Variants in PIAS1 observed in about 807,000 individuals in gnomAD.
The protein encoded by PIAS1 is protein inhibitor of activated STAT 1.
Under a neutral mutation model 71.3 loss-of-function variants are expected in PIAS1, and 6 were observed. That is an observed-to-expected ratio of 0.08 (90% CI 0.05 to 0.17). The LOEUF is 0.17. Ranked by LOEUF, PIAS1 falls within the 10% of genes least tolerant of loss-of-function variation. The pLI, the probability that PIAS1 is intolerant of heterozygous loss-of-function variation, is 1.00. For synonymous variants in PIAS1, 303 were observed against 292.9 expected, an observed-to-expected ratio of 1.03 and a Z score of -0.35; for missense variants, 555 against 793.6, an observed-to-expected ratio of 0.70 and a Z score of 3.61.
chr15:68,126,522 A>C (rs372096343), intron 2 of PIAS1, among the ~76,000 whole-genome samples: 16 of 152,330 alleles, frequency 1.1e-4, no homozygotes, highest in African/African-American at 3.8e-4. Flanking sequence ...GGCTCACTGC[A>C]ACCTCCACCT....
intron 2 of PIAS1, among the ~76,000 whole-genome samples, chr15:68,114,513 A>G (rs1405668237): frequency 1.3e-5 from 2 of 152,116 alleles, no homozygotes; most frequent in East Asian, 1.9e-4. Context: ...CAGAGGGTTC[A>G]TTAAAGATTG....
In PIAS1 at chr15:68,153,622, G is replaced by A; in HGVS notation, c.861G>A (p.Gln287=). Residue 287 remains glutamine (Q), a synonymous_variant, in exon 7 of 14, where the codon CAG becomes CAA. Coordinates refer to ENST00000249636, the MANE Select transcript of PIAS1 (RefSeq NM_016166.3). ...NYSMAVYLVK[Q]LSSTVLLQRL... ...CCATGGCAGTATATCTTGTAAAACA[G>A]TTGTCCTCAACAGTTCTTCTTCAGA... The A allele has an allele frequency of 6.3e-7, 1 of 1,590,604 alleles. No homozygotes were observed. Among genetic ancestry groups the A allele is most frequent in the Non-Finnish European group, 8.6e-7 (1 of 1,159,854 alleles).
chr15:68,170,524 G>A (rs891834979), intron 8 of PIAS1, among the ~76,000 whole-genome samples: 2 of 152,172 alleles, frequency 1.3e-5, no homozygotes, highest in African/African-American at 4.8e-5. Flanking sequence ...AGTGAGTGGT[G>A]AGCAAATGTG....
chr15:68,106,996 C>T (rs1038808232), intron 2 of PIAS1, among the ~76,000 whole-genome samples: 2 of 152,146 alleles, frequency 1.3e-5, no homozygotes, highest in Admixed American at 1.3e-4. Flanking sequence ...GTAAGATGCA[C>T]TCGTGAGGAG....
intron 8 of PIAS1, among the ~76,000 whole-genome samples, chr15:68,172,105 G>A (rs1335987139): frequency 1.1e-4 from 15 of 140,272 alleles, no homozygotes; most frequent in East Asian, 4.3e-4. Flanking sequence ...GATGTTCCCC[G>A]CCCTGTGTCC....
intron 1 of PIAS1, among the ~76,000 whole-genome samples, chr15:68,056,255 A>G (rs966060923): frequency 6.6e-6 from 1 of 152,242 alleles, no homozygotes; most frequent in Non-Finnish European, 1.5e-5. Flanking sequence ...TGTGCAGACT[A>G]TATTGTCACT....
chr15:68,169,814 G>T (rs979132017), intron 8 of PIAS1, among the ~76,000 whole-genome samples: 1 of 152,098 alleles, frequency 6.6e-6, no homozygotes, highest in Non-Finnish European at 1.5e-5. Flanking sequence ...TATGTGTCAG[G>T]TACTGTGTAG....
At chr15:68,125,693 T>G (rs920942972) in intron 2 of PIAS1, among the ~76,000 whole-genome samples, 3 of 152,028 alleles carry the variant, frequency 2.0e-5, no homozygotes, top group Non-Finnish European at 4.4e-5. Context: ...TTAGGCTGGT[T>G]TCCGATTTTT....
chr15:68,183,814 C>T (rs1034126509), intron 13 of PIAS1, 147 bp downstream of exon 13: 8 of 530,846 alleles, frequency 1.5e-5, no homozygotes, highest in African/African-American at 7.7e-5. Flanking sequence ...CAATTATAGC[C>T]ATGGTAACAT....
chr15:68,099,264 T>TG lies in PIAS1; in HGVS notation c.469+12514_469+12515insG, dbSNP rs539394731. ...CTATATATGTATATATATTTCTTTT[T>TG]TTTTTTTTTACTCTTCAAAGTTCCT... On this transcript the variant is annotated intron_variant, in intron 2 of 13. Transcript: ENST00000249636. Among the ~76,000 whole-genome samples, 166 of 151,498 alleles carry TG rather than the reference T, an allele frequency of 1.1e-3. 1 individual carries two copies. Among genetic ancestry groups the TG allele is most frequent in the African/African-American group, 3.9e-3 (161 of 41,482 alleles).
intron 1 of PIAS1, among the ~76,000 whole-genome samples, chr15:68,064,467 A>G (rs1273021463): frequency 1.3e-5 from 2 of 152,218 alleles, no homozygotes; most frequent in East Asian, 1.9e-4. Flanking sequence ...CCAATGCATG[A>G]TATTACAAAA....
At chr15:68,151,784 C>G (rs982616736) in intron 6 of PIAS1, among the ~76,000 whole-genome samples, 1 of 150,834 alleles carries the variant, frequency 6.6e-6, no homozygotes, top group Non-Finnish European at 1.5e-5. Flanking sequence ...CACTTGAACC[C>G]GGGAGGTGGA....
chr15:68,141,924 G>T (rs2092773238), intron 2 of PIAS1, 22 bp from the exon 3 acceptor site: 1 of 1,526,644 alleles, frequency 6.6e-7, no homozygotes, highest in Admixed American at 1.8e-5. Flanking sequence ...GTAATTGAAA[G>T]TATAATTCTT....
Position 68,145,872 on chromosome 15 carries a change from G to T in PIAS1, c.659G>T (p.Cys220Phe). The T allele has an allele frequency of 1.2e-6, 2 of 1,611,856 alleles. No homozygotes were observed. Among genetic ancestry groups the T allele is most frequent in the Non-Finnish European group, 1.7e-6 (2 of 1,178,184 alleles). The change falls in exon 5 of 14, where the codon TGT becomes TTT. Residue 220 changes from cysteine to phenylalanine, a missense_variant. Cys to Phe is a radical substitution (Grantham distance 205). Around this residue, in one of 5 missense-constraint regions of PIAS1, gnomAD observed 134 missense variants for 203.4 expected, o/e 0.66. Coordinates refer to ENST00000249636, the MANE Select transcript of PIAS1 (RefSeq NM_016166.3). The stretch of plus-strand genomic sequence containing the variant: ...GAAGATCACTTCCCACCCAATCTTT[G>T]TGTGAAAGTGAATACAAAACCTTGC... ...PQEDHFPPNLCVKVNTKPCSL... is the reference protein window; with the variant it reads ...PQEDHFPPNLFVKVNTKPCSL...
chr15:68,146,783 T>TC, intron 6 of PIAS1, 83 bp downstream of exon 6: 6 of 986,052 alleles, frequency 6.1e-6, no homozygotes, highest in African/African-American at 1.6e-5. Flanking sequence ...ATATGTAAAT[T>TC]ATGTAAAATG....
intron 2 of PIAS1, 84 bp from the exon 3 acceptor site, chr15:68,141,862 A>G: frequency 1.2e-6 from 1 of 800,072 alleles, no homozygotes; most frequent in South Asian, 1.5e-5. Context: ...CAGTTAATTA[A>G]AGACATGTGT....
chr15:68,179,098 A>G (rs2093037187), intron 11 of PIAS1, among the ~76,000 whole-genome samples: 1 of 152,232 alleles, frequency 6.6e-6, no homozygotes, highest in African/African-American at 2.4e-5. Context: ...TAGCCATTTT[A>G]TAATAATGAC....
chr15:68,078,726 A>C (rs1345720086), intron 1 of PIAS1, among the ~76,000 whole-genome samples: 1 of 152,238 alleles, frequency 6.6e-6, no homozygotes, highest in East Asian at 1.9e-4. Context: ...TACAGTGAGA[A>C]TAATAATGCT....
Position 68,143,074 on chromosome 15 carries a change from C to CATATAT in PIAS1, c.602+746_602+751dup, listed in dbSNP as rs915923618. ...CCCTTATATATCTCCCTTTTATATA[C>CATATAT]ATATATATATATATCTCCCTTATAT... On this transcript the variant is annotated intron_variant, in intron 4 of 13. Coordinates refer to ENST00000249636, the MANE Select transcript of PIAS1 (RefSeq NM_016166.3). Among the ~76,000 whole-genome samples, 8 of 150,738 alleles carry CATATAT rather than the reference C, an allele frequency of 5.3e-5. No homozygotes were observed. In the East Asian group the frequency reaches 1.6e-3, roughly 29 times the overall value.
Sources: allele counts gnomAD v4.1 joint callset (sites outside exome capture counted in the v4.1 genomes callset), GRCh38; gene constraint gnomAD v4.1.1; regional missense constraint gnomAD v4.1.1; transcripts MANE v1.5; gene names NCBI Gene and HGNC (gene_info 2026-07-23, HGNC 2026-07-21).